SYTL2: variants seen among roughly 807,000 people sequenced by gnomAD.
The protein encoded by SYTL2 is synaptotagmin-like protein 2.
In SYTL2, 165 loss-of-function variants were observed where a neutral mutation model predicts 198.7. The observed-to-expected ratio is 0.83, with a 90% CI of 0.73 to 0.94. SYTL2 has a LOEUF of 0.94. Among genes scored for constraint, SYTL2 ranks in the 40% least tolerant of loss-of-function variants. The pLI is 0.00. For missense variants in SYTL2, 2,835 were observed against 2,582.8 expected (o/e 1.10, Z -2.12); for synonymous variants, 966 against 917.7 (o/e 1.05, Z -0.95).
rs182073844 is a variant in SYTL2 at position 85,801,875 on chromosome 11, C to T, written c.-390+9079G>A. Among the ~76,000 whole-genome samples the T allele has an allele frequency of 3.0e-4, 45 of 150,488 alleles. No homozygotes were observed. In the East Asian group the frequency reaches 7.4e-3, roughly 25 times the overall value. On this transcript the variant is annotated intron_variant, in intron 1 of 19. Transcript: ENST00000359152. ...TTACACTGTCGCTGGAGTGCAATGG[C>T]GCGATCTCGGCTCACTGCAAACTCC...
chr11:85,770,387 G>T (rs756506939), intron 1 of SYTL2, among the ~76,000 whole-genome samples: 1 of 152,008 alleles, frequency 6.6e-6, no homozygotes, highest in African/African-American at 2.4e-5. Flanking sequence ...ATTCACTCCT[G>T]GTTCTCCCTC....
At position 85,718,781 on chromosome 11, in the gene SYTL2, G is replaced by T; in HGVS notation, c.5482+9C>A. The T allele has an allele frequency of 6.2e-7, 1 of 1,612,214 alleles. No homozygotes were observed. Among genetic ancestry groups the T allele is most frequent in the Non-Finnish European group, 8.5e-7 (1 of 1,178,568 alleles). The stretch of plus-strand genomic sequence containing the variant: ...AAAGACAGACACGCAAATACATAAA[G>T]ATATTTACCATCTTCAGCACTACGC... On this transcript the variant is annotated intron_variant, in intron 10 of 19. Coordinates refer to ENST00000359152, the MANE Select transcript of SYTL2 (RefSeq NM_206927.4).
Position 85,727,509 on chromosome 11 carries a change from T to G in SYTL2, c.1849A>C (p.Asn617His). The G allele has an allele frequency of 6.5e-7, 1 of 1,536,070 alleles. No homozygotes were observed. The highest frequency in any genetic ancestry group is 2.4e-5 in the East Asian group (1 of 40,912). ...TTTGGGGTGCCTTTTTGGGACAAAT[T>G]CATGAATTTGGATTTGATATTCACA... is the stretch of plus-strand genomic sequence containing the variant. ...NNVNIKSKFM[N>H]LSQKGTPKEG... The change falls in exon 8 of 20, where the codon AAT becomes CAT. Residue 617 changes from asparagine to histidine, a missense_variant. Coordinates refer to ENST00000359152, the MANE Select transcript of SYTL2 (RefSeq NM_206927.4).
chr11:85,824,837 T>C, the SYTL2 span, among the ~76,000 whole-genome samples: 1 of 152,122 alleles, frequency 6.6e-6, no homozygotes, highest in Admixed American at 6.5e-5. Flanking sequence ...GTGTAACATT[T>C]ATCCTGCGAA....
the SYTL2 span, among the ~76,000 whole-genome samples, chr11:85,851,476 G>A: frequency 6.6e-6 from 1 of 152,176 alleles, no homozygotes; most frequent in East Asian, 1.9e-4. Context: ...GTTCTTTGTG[G>A]TTTTTCCAAA....
chr11:85,825,101 T>C, the SYTL2 span, among the ~76,000 whole-genome samples: 2 of 152,190 alleles, frequency 1.3e-5, no homozygotes, highest in Non-Finnish European at 2.9e-5. Flanking sequence ...TACTTATGTT[T>C]TGAAGTGCCT....
rs1591769710 is a variant in SYTL2 at position 85,727,887 on chromosome 11, G to A, written c.1471C>T (p.Pro491Ser). 1.2e-6 allele frequency: 2 copies of A among 1,613,764 alleles called. No homozygotes were observed. The highest frequency in any genetic ancestry group is 4.5e-5 in the East Asian group (2 of 44,862). The change falls in exon 8 of 20, where the codon CCT (proline) becomes TCT (serine). Residue 491 changes from proline to serine, a missense_variant. Around this residue, in one of 3 missense-constraint regions of SYTL2, gnomAD observed 2,645 missense variants for 2,381.7 expected, o/e 1.11. Transcript: ENST00000359152. Reference protein sequence around the residue: ...SSRDRQQGKPPPLPALKAKTS... With the variant: ...SSRDRQQGKPSPLPALKAKTS... ...TTAGCTTTTAGAGCCGGGAGAGGAG[G>A]GGGCTTACCTTGCTGACGGTCTCTA... is the stretch of plus-strand genomic sequence containing the variant.
chr11:85,789,177 G>A (rs1194805034), intron 1 of SYTL2, among the ~76,000 whole-genome samples: 1 of 149,984 alleles, frequency 6.7e-6, no homozygotes, highest in Non-Finnish European at 1.5e-5. Flanking sequence ...GCTCACTGCA[G>A]CCTCGACCTC....
Position 85,752,917 on chromosome 11 carries a change from TAAAAAAAAAAAAAAAA to T in SYTL2, c.102-4510_102-4495del, listed in dbSNP as rs1162431708. Among the ~76,000 whole-genome samples, 118 of 17,750 alleles carry T rather than the reference TAAAAAAAAAAAAAAAA, an allele frequency of 6.6e-3. 1 individual carries two copies. The highest frequency in any genetic ancestry group is 6.8e-3 in the Non-Finnish European group (56 of 8,254). 11.6% of individuals were successfully genotyped at this position (17,750 alleles called of 152,430 possible). On this transcript the variant is annotated intron_variant, in intron 2 of 19. Coordinates refer to ENST00000359152, the MANE Select transcript of SYTL2 (RefSeq NM_206927.4). ...GTCCTTCAATGACAACTGCCTTCAT[TAAAAAAAAAAAAAAAA>T]AAAAAAAAAAAAAAAAAACACAACT...
chr11:85,718,988 A>G, intron 9 of SYTL2, 145 bp from the exon 10 acceptor site: 1 of 1,533,282 alleles, frequency 6.5e-7, no homozygotes, highest in Non-Finnish European at 8.7e-7. Flanking sequence ...TCCCCAAAAT[A>G]CTTTCTCTTT....
intron 1 of SYTL2, among the ~76,000 whole-genome samples, chr11:85,777,699 G>A (rs2092476182): frequency 6.7e-6 from 1 of 149,816 alleles, no homozygotes; most frequent in African/African-American, 2.5e-5. Flanking sequence ...CAGGAATTGG[G>A]ACTCTGGAAT....
At chr11:85,775,967 A>C (rs1004637387) in intron 1 of SYTL2, among the ~76,000 whole-genome samples, 5 of 152,236 alleles carry the variant, frequency 3.3e-5, no homozygotes, top group African/African-American at 1.2e-4. Flanking sequence ...CCAATGATGG[A>C]GGTACGGCCT....
chr11:85,757,863 T>G lies in SYTL2; in HGVS notation c.-138A>C. 1 of 1,326,090 alleles carries G rather than the reference T, an allele frequency of 7.5e-7. No homozygotes were observed. Among genetic ancestry groups the G allele is most frequent in the Non-Finnish European group, 1.0e-6 (1 of 976,548 alleles). 82.1% of individuals were successfully genotyped at this position (1,326,090 alleles called of 1,614,324 possible). A position where few individuals can be genotyped will look rare whatever the true frequency, so the allele number is the denominator to read the frequency against. On this transcript the variant is annotated 5_prime_UTR_variant, in exon 2 of 20. Coordinates refer to ENST00000359152, the MANE Select transcript of SYTL2 (RefSeq NM_206927.4). ...TTCAGTTCTGCATCAAAGTCTTATT[T>G]TGGCTCAGCAAAAGTTTAGGGCAGC...
At chr11:85,770,651 A>G (rs1264133324) in intron 1 of SYTL2, among the ~76,000 whole-genome samples, 1 of 152,148 alleles carries the variant, frequency 6.6e-6, no homozygotes, top group African/African-American at 2.4e-5. Context: ...TATCATCGCC[A>G]GACCATTGTT....
Position 85,734,256 on chromosome 11 carries a change from C to A in SYTL2, c.1073G>T (p.Ser358Ile). ...TTTCAATCTGTCAGATTCTAAAACA[C>A]TAAATTCTCCTACTTCCCGACCATG... Reference protein sequence around the residue: ...LIHGREVGEFSVLESDRLKNG... With the variant: ...LIHGREVGEFIVLESDRLKNG... Residue 358 changes from serine (S) to isoleucine (I), a missense_variant, in exon 7 of 20, where the codon AGT (serine) becomes ATT (isoleucine). This residue lies in a region of SYTL2 where 2,645 missense variants were observed against 2,381.7 expected (regional missense o/e 1.11). Transcript: ENST00000359152. The A allele has an allele frequency of 6.2e-7, 1 of 1,614,196 alleles. No individual in the cohort carries two copies. The highest frequency in any genetic ancestry group is 8.5e-7 in the Non-Finnish European group (1 of 1,180,016).
chr11:85,804,090 T>C (rs371788607), intron 1 of SYTL2, among the ~76,000 whole-genome samples: 9 of 152,370 alleles, frequency 5.9e-5, no homozygotes, highest in African/African-American at 2.2e-4. Context: ...CCAGGTAGTG[T>C]TGATTCTTAA....
rs199908201 is a variant in SYTL2, at chr11:85,709,351, T to C, written c.5895A>G (p.Val1965=). Residue 1965 remains valine, a synonymous_variant, in exon 14 of 20, where the codon GTA becomes GTG. Transcript: ENST00000359152. Reference sequence around the variant, plus strand: ...CTTACGGGTCTGAACGCTGTTTTTTTACATCCGCTGCTGCTAAGTCCTTAC... The same window carrying C: ...CTTACGGGTCTGAACGCTGTTTTTTCACATCCGCTGCTGCTAAGTCCTTAC... ...AQCKDLAAAD[V]KKQRSDPYVK... The C allele has an allele frequency of 7.4e-6, 12 of 1,614,192 alleles. No homozygotes were observed. The highest frequency in any genetic ancestry group is 1.1e-5 in the South Asian group (1 of 91,078).
intron 1 of SYTL2, among the ~76,000 whole-genome samples, chr11:85,766,418 C>T (rs1376611965): frequency 2.6e-5 from 4 of 152,204 alleles, no homozygotes; most frequent in Non-Finnish European, 4.4e-5. Context: ...AGAGAGACGG[C>T]AGTCTACAAA....
chr11:85,796,037 G>A (rs968790991), intron 1 of SYTL2, among the ~76,000 whole-genome samples: 1 of 152,162 alleles, frequency 6.6e-6, no homozygotes, highest in East Asian at 1.9e-4. Flanking sequence ...TGAGGCTCAG[G>A]TTAGATTTAA....
Sources: gnomAD v4.1 joint callset for allele counts (sites outside exome capture counted in the v4.1 genomes callset) on GRCh38, gnomAD v4.1.1 for gene constraint, gnomAD v4.1.1 regional missense constraint, MANE v1.5 for transcripts, NCBI Gene and HGNC (gene_info 2026-07-23, HGNC 2026-07-21) for gene names.